The following AMPH variants were observed in gnomAD, a reference collection of about 807,000 sequenced individuals.
AMPH encodes amphiphysin (Stiff-Mann syndrome with breast cancer 128kD autoantigen).
In AMPH, 49 loss-of-function variants were observed where a neutral mutation model predicts 99.1. The observed-to-expected ratio is 0.49, with a 90% CI of 0.39 to 0.63. The LOEUF is 0.63. Ranked by LOEUF, AMPH falls within the 20% of genes least tolerant of loss-of-function variation. The pLI, the probability that AMPH is intolerant of heterozygous loss-of-function variation, is 0.00. For missense variants in AMPH, 759 were observed against 863.4 expected (o/e 0.88, Z 1.52); for synonymous variants, 314 against 317.3 (o/e 0.99, Z 0.11).
At chr7:38,619,802 C>A (rs1030670996) in intron 1 of AMPH, among the ~76,000 whole-genome samples, 1 of 152,118 alleles carries the variant, frequency 6.6e-6, no homozygotes, top group Non-Finnish European at 1.5e-5. Context: ...GCCAGTGGTC[C>A]CCATGGTCAC....
At chr7:38,473,793 T>A (rs75685372) in intron 7 of AMPH, among the ~76,000 whole-genome samples, 14,253 of 148,110 alleles carry the variant, frequency 0.096, 717 homozygotes, top group African/African-American at 0.12. Flanking sequence ...CTGTATTTTT[T>A]AAAAAAAAGC....
intron 1 of AMPH, among the ~76,000 whole-genome samples, chr7:38,553,566 T>A (rs556951547): frequency 6.6e-6 from 1 of 152,374 alleles, no homozygotes; most frequent in African/African-American, 2.4e-5. Context: ...CATTTAAATA[T>A]ACATTACACT....
intron 1 of AMPH, among the ~76,000 whole-genome samples, chr7:38,608,905 A>C (rs1793527827): frequency 6.6e-6 from 1 of 152,238 alleles, no homozygotes; most frequent in African/African-American, 2.4e-5. Context: ...AGTTCTAAGC[A>C]ACACAACGGG....
chr7:38,456,259 C>T (rs1047229327), intron 11 of AMPH, among the ~76,000 whole-genome samples: 2 of 152,214 alleles, frequency 1.3e-5, no homozygotes, highest in African/African-American at 4.8e-5. Context: ...TACCTCCCTA[C>T]ACTGCTCCCA....
chr7:38,494,061 A>C (rs1457678548), intron 4 of AMPH, among the ~76,000 whole-genome samples: 1 of 152,102 alleles, frequency 6.6e-6, no homozygotes, highest in East Asian at 1.9e-4. Flanking sequence ...GGTCCAAGCA[A>C]TTCTCCTGCC....
chr7:38,436,863 C>T (rs932976238), intron 11 of AMPH, among the ~76,000 whole-genome samples: 3 of 152,212 alleles, frequency 2.0e-5, no homozygotes, highest in Non-Finnish European at 2.9e-5. Flanking sequence ...GTACTGCTGA[C>T]CACATCCCAA....
At chr7:38,535,302 G>A (rs904797322) in intron 1 of AMPH, among the ~76,000 whole-genome samples, 1 of 152,242 alleles carries the variant, frequency 6.6e-6, no homozygotes, top group African/African-American at 2.4e-5. Flanking sequence ...CAGGCTGTGC[G>A]TGACTTAGAG....
chr7:38,402,590 T>C (rs1001893641), intron 17 of AMPH, among the ~76,000 whole-genome samples: 7 of 152,324 alleles, frequency 4.6e-5, no homozygotes, highest in Non-Finnish European at 1.0e-4. Flanking sequence ...TCACCTGCTC[T>C]GAATCCCCTA....
At chr7:38,564,877 C>A (rs1425782240) in intron 1 of AMPH, among the ~76,000 whole-genome samples, 1 of 152,128 alleles carries the variant, frequency 6.6e-6, no homozygotes, top group Non-Finnish European at 1.5e-5. Context: ...GTAATCCCAG[C>A]ACTCTGGGAG....
At chr7:38,441,349 G>A (rs146997606) in intron 11 of AMPH, among the ~76,000 whole-genome samples, 1 of 152,164 alleles carries the variant, frequency 6.6e-6, no homozygotes, top group Non-Finnish European at 1.5e-5. Context: ...TGGTATAAAA[G>A]ATTTAGATAA....
chr7:38,610,252 A>G (rs199882741), intron 1 of AMPH, among the ~76,000 whole-genome samples: 769 of 14,106 alleles, frequency 0.055, 124 homozygotes, highest in African/African-American at 0.097. Context: ...AAAAAAAAAA[A>G]AAAAAAAAAA....
At chr7:38,549,121 C>T (rs1446036578) in intron 1 of AMPH, among the ~76,000 whole-genome samples, 1 of 152,156 alleles carries the variant, frequency 6.6e-6, no homozygotes, top group Non-Finnish European at 1.5e-5. Context: ...AAAAGGGAAG[C>T]CTTGCTGAGG....
intron 2 of AMPH, among the ~76,000 whole-genome samples, chr7:38,522,354 G>A (rs1482072861): frequency 6.6e-6 from 1 of 152,092 alleles, no homozygotes; most frequent in Admixed American, 6.5e-5. Flanking sequence ...GGTCAAATTT[G>A]TTCTATTGAC....
chr7:38,455,356 C>T (rs966197311), intron 11 of AMPH, among the ~76,000 whole-genome samples: 1 of 152,174 alleles, frequency 6.6e-6, no homozygotes, highest in Non-Finnish European at 1.5e-5. Flanking sequence ...CAGGTGTGAG[C>T]CACTGCGCCC....
chr7:38,470,621 C>T (rs367784132), intron 7 of AMPH, among the ~76,000 whole-genome samples: 104 of 152,228 alleles, frequency 6.8e-4, no homozygotes, highest in African/African-American at 2.5e-3. Flanking sequence ...AAAGGTTCTG[C>T]TTTGATCCTC....
At chr7:38,421,132 G>A (rs981570548) in intron 16 of AMPH, 6 of 448,586 alleles carry the variant, frequency 1.3e-5, no homozygotes, top group African/African-American at 1.2e-4. Flanking sequence ...CATACAAACA[G>A]AAGAGAAAGA....
intron 11 of AMPH, among the ~76,000 whole-genome samples, chr7:38,445,288 C>T (rs1208747734): frequency 7.2e-5 from 11 of 151,820 alleles, no homozygotes; most frequent in Admixed American, 7.2e-4. Context: ...GGTCACAGGC[C>T]TAAATGTAAC....
intron 14 of AMPH, 156 bp downstream of exon 14, chr7:38,429,686 T>G (rs749155278): frequency 5.5e-5 from 71 of 1,291,694 alleles, no homozygotes; most frequent in Middle Eastern, 2.2e-4. Context: ...GTAGCACCAG[T>G]AAAACCAAAC....
chr7:38,511,515 G>C (rs1192739992), intron 2 of AMPH, among the ~76,000 whole-genome samples: 1 of 152,104 alleles, frequency 6.6e-6, no homozygotes, highest in Admixed American at 6.6e-5. Context: ...ACTAACAATG[G>C]ATATGAGAAA....
Sources: allele counts gnomAD v4.1 joint callset (sites outside exome capture counted in the v4.1 genomes callset), GRCh38; gene constraint gnomAD v4.1.1; transcripts MANE v1.5; gene names NCBI Gene and HGNC (gene_info 2026-07-23, HGNC 2026-07-21).